The following FRMD3 variants were observed in gnomAD, a reference collection of about 807,000 sequenced individuals.
The protein encoded by FRMD3 is FERM domain-containing protein 3.
In FRMD3, 33 loss-of-function variants were observed where a neutral mutation model predicts 70.2. The ratio of observed to expected loss-of-function variants is 0.47; its 90% CI spans 0.36 to 0.63. The LOEUF (loss-of-function observed/expected upper bound fraction) is 0.63, where lower values mean the gene tolerates loss of function less well. Among genes scored for constraint, FRMD3 ranks in the 20% least tolerant of loss-of-function variants. FRMD3 has a pLI of 0.00. For synonymous variants in FRMD3, 279 were observed against 255.9 expected, an observed-to-expected ratio of 1.09 and a Z score of -0.86; for missense variants, 632 against 711.4, an observed-to-expected ratio of 0.89 and a Z score of 1.27.
At chr9:83,288,582 C>T (rs904862484) in intron 13 of FRMD3, among the ~76,000 whole-genome samples, 1 of 152,262 alleles carries the variant, frequency 6.6e-6, no homozygotes. Flanking sequence ...TTGTGGACTT[C>T]CGAAGAGAGA....
chr9:83,323,524 A>G (rs78091530), intron 6 of FRMD3, among the ~76,000 whole-genome samples: 1 of 152,184 alleles, frequency 6.6e-6, no homozygotes, highest in African/African-American at 2.4e-5. Context: ...GCCTTCATGA[A>G]TATATTCAGT....
chr9:83,320,809 A>ATGTTGTTT (rs924856154), intron 6 of FRMD3, among the ~76,000 whole-genome samples: 1 of 151,732 alleles, frequency 6.6e-6, no homozygotes, highest in South Asian at 2.1e-4. Flanking sequence ...TCCTGGATGG[A>ATGTTGTTT]TGTTGTTTTG....
chr9:83,378,962 A>G (rs928614379), intron 2 of FRMD3, among the ~76,000 whole-genome samples: 1 of 149,970 alleles, frequency 6.7e-6, no homozygotes, highest in African/African-American at 2.5e-5. Context: ...TCCTGACCTC[A>G]AGTGATCCAC....
intron 1 of FRMD3, among the ~76,000 whole-genome samples, chr9:83,427,075 G>A (rs1277309760): frequency 6.6e-6 from 1 of 152,182 alleles, no homozygotes; most frequent in African/African-American, 2.4e-5. Flanking sequence ...CAGGGCTTGG[G>A]CAGGGTTTCT....
chr9:83,372,795 C>T, intron 3 of FRMD3, 118 bp downstream of exon 3: 2 of 907,030 alleles, frequency 2.2e-6, no homozygotes, highest in South Asian at 1.4e-5. Flanking sequence ...GAGAAGCCCC[C>T]ACACCCCCCA....
chr9:83,374,756 A>T (rs1419854264), intron 2 of FRMD3, among the ~76,000 whole-genome samples: 1 of 152,236 alleles, frequency 6.6e-6, no homozygotes, highest in Non-Finnish European at 1.5e-5. Flanking sequence ...CTTATTATTT[A>T]ATAGGTACAG....
chr9:83,542,392 T>A (rs144504823), upstream of FRMD3, among the ~76,000 whole-genome samples: 244 of 152,256 alleles, frequency 1.6e-3, 1 homozygote, highest in African/African-American at 5.7e-3. Context: ...TAGGTATAAA[T>A]CTAACAAAAT....
chr9:83,361,689 GATTA>G lies in FRMD3; in HGVS notation c.295+11220_295+11223del, dbSNP rs550641504. On this transcript the variant is annotated intron_variant, in intron 3 of 13. Transcript: ENST00000304195. The stretch of plus-strand genomic sequence containing the variant: ...AAATAGGGTCTTTGTAGATGTAATT[GATTA>G]ATTAATTACAATGCATTCATATTAG... Among the ~76,000 whole-genome samples the G allele has an allele frequency of 8.7e-4, 133 of 152,200 alleles. 1 individual carries two copies. Among genetic ancestry groups the G allele is most frequent in the Middle Eastern group, 3.4e-3 (1 of 294 alleles).
rs1402278556 is a variant in FRMD3 at position 83,538,247 on chromosome 9, G to A, written c.-16C>T. 1 of 1,548,098 alleles carries A rather than the reference G, an allele frequency of 6.5e-7. No homozygotes were observed. The highest frequency in any genetic ancestry group is 8.7e-7 in the Non-Finnish European group (1 of 1,145,924). The stretch of plus-strand genomic sequence containing the variant: ...AGGCGAACATGCACCGCGGCCGTGG[G>A]GAGCGAGCGGGAGGCTCAGGGCCGG... On this transcript the variant is annotated 5_prime_UTR_variant, in exon 1 of 14. Transcript: ENST00000304195. This position sits in a 1 kb window ranked among gnomAD's most constrained non-coding sequence, Gnocchi z 4.7.
At position 83,268,740 on chromosome 9, in the gene FRMD3, G is replaced by A. The variant is rs144760145; in HGVS notation, c.1196-20224C>T. Among the ~76,000 whole-genome samples, 61 of 152,300 alleles carry A rather than the reference G, an allele frequency of 4.0e-4. No homozygotes were observed. In the East Asian group the frequency reaches 0.011, roughly 27 times the overall value. On this transcript the variant is annotated intron_variant, in intron 13 of 13. Coordinates refer to ENST00000304195, the MANE Select transcript of FRMD3 (RefSeq NM_174938.6). ...GTTGCCAGCCATGCACTGTGGCTGAGGTGGGGCAGGCCATTTCCAGGGACC... is the reference window on the plus strand; with the variant it reads ...GTTGCCAGCCATGCACTGTGGCTGAAGTGGGGCAGGCCATTTCCAGGGACC...
chr9:83,486,139 T>C (rs983730824), intron 1 of FRMD3, among the ~76,000 whole-genome samples: 1 of 152,186 alleles, frequency 6.6e-6, no homozygotes, highest in African/African-American at 2.4e-5. Context: ...TTGATCAACA[T>C]TGAATAATAT....
chr9:83,329,069 T>C (rs1836140158), intron 6 of FRMD3, among the ~76,000 whole-genome samples: 1 of 152,134 alleles, frequency 6.6e-6, no homozygotes, highest in South Asian at 2.1e-4. Flanking sequence ...ATTTCACCTG[T>C]ATAAAAAACA....
chr9:83,351,687 TGATA>T (rs10641248), intron 3 of FRMD3, among the ~76,000 whole-genome samples: 6,174 of 145,642 alleles, frequency 0.042, 173 homozygotes, highest in South Asian at 0.15. Flanking sequence ...GATAGTTACA[TGATA>T]GATAGATAGA....
intron 1 of FRMD3, among the ~76,000 whole-genome samples, chr9:83,471,077 A>AG (rs1564093010): frequency 6.6e-6 from 1 of 152,168 alleles, no homozygotes; most frequent in Admixed American, 6.5e-5. Context: ...CTCCAGTTTT[A>AG]GGGGGGAGAA....
chr9:83,317,686 C>G (rs1051222935), intron 6 of FRMD3, among the ~76,000 whole-genome samples: 1 of 152,218 alleles, frequency 6.6e-6, no homozygotes. Context: ...TAGGTGGTCT[C>G]TTTCTGACCA....
At chr9:83,329,548 TTA>T (rs1333445368) in intron 6 of FRMD3, among the ~76,000 whole-genome samples, 3 of 152,258 alleles carry the variant, frequency 2.0e-5, no homozygotes, top group African/African-American at 7.2e-5. Context: ...CTAGACGTTT[TTA>T]AAATGATAAC....
At chr9:83,452,189 T>G (rs925128748) in intron 1 of FRMD3, among the ~76,000 whole-genome samples, 5 of 152,294 alleles carry the variant, frequency 3.3e-5, no homozygotes, top group African/African-American at 1.2e-4. Flanking sequence ...ACGCTCCGTA[T>G]GTACACACTA....
chr9:83,444,321 C>T (rs1051459410), intron 1 of FRMD3, among the ~76,000 whole-genome samples: 18 of 152,216 alleles, frequency 1.2e-4, no homozygotes, highest in African/African-American at 4.1e-4. Context: ...CATTTTTACA[C>T]ATAAAACCAA....
At chr9:83,557,579 C>G in the FRMD3 span, among the ~76,000 whole-genome samples, 6 of 152,160 alleles carry the variant, frequency 3.9e-5, no homozygotes, top group Non-Finnish European at 5.9e-5. Flanking sequence ...CACACTAACT[C>G]AGAAGATTCA....
Sources: allele counts gnomAD v4.1 joint callset (sites outside exome capture counted in the v4.1 genomes callset), GRCh38; gene constraint gnomAD v4.1.1; non-coding constraint Gnocchi (gnomAD v3.1); transcripts MANE v1.5; gene names NCBI Gene and HGNC (gene_info 2026-07-23, HGNC 2026-07-21).